Variants in ZNF512B observed in about 807,000 individuals in gnomAD.
The protein encoded by ZNF512B is zinc finger protein 512B.
A neutral mutation model predicts 87.8 loss-of-function variants in ZNF512B; 22 were observed. That is an observed-to-expected ratio of 0.25 (90% CI 0.18 to 0.36). The LOEUF is 0.36. ZNF512B is among the 10% of genes least tolerant of loss of function. ZNF512B has a pLI of 1.00. For synonymous variants in ZNF512B, 524 were observed against 490.9 expected (o/e 1.07, Z -0.89); for missense variants, 1,060 against 1,231.6 (o/e 0.86, Z 2.09).
Position 63,963,450 on chromosome 20 carries a change from G to A in ZNF512B, c.1699-10C>T, listed in dbSNP as rs573732652. The A allele has an allele frequency of 1.5e-5, 23 of 1,547,268 alleles. No individual in the cohort carries two copies. In the Admixed American group the frequency reaches 1.7e-4, roughly 12 times the overall value. ...CCTCGGCGTCAGAGGGCTGGGGACA[G>A]GGTGAGCATCGGTGACCCGGCACCA... On this transcript the variant is annotated splice_polypyrimidine_tract_variant and intron_variant, in intron 10 of 16. Transcript: ENST00000369888.
chr20:63,960,552 A>AGG (rs1485548793), intron 16 of ZNF512B, among the ~76,000 whole-genome samples: 4 of 103,720 alleles, frequency 3.9e-5, no homozygotes, highest in Non-Finnish European at 5.9e-5. Context: ...CACCTGCCGC[A>AGG]GGGCTGGACA....
At chr20:63,969,379 G>C (rs2058957853) in intron 1 of ZNF512B, among the ~76,000 whole-genome samples, 1 of 152,246 alleles carries the variant, frequency 6.6e-6, no homozygotes, top group African/African-American at 2.4e-5. Context: ...CGGGGAGAGG[G>C]GGCTCCGCCG....
chr20:63,964,938 G>C (rs577433956), intron 5 of ZNF512B, among the ~76,000 whole-genome samples: 1 of 46,424 alleles, frequency 2.2e-5, no homozygotes, highest in Non-Finnish European at 4.3e-5. Context: ...GACCTGGGAC[G>C]AGCCCCCATA....
At chr20:63,962,095 C>G (rs1373362020) in intron 14 of ZNF512B, 91 bp from the exon 15 acceptor site, 8 of 1,457,236 alleles carry the variant, frequency 5.5e-6, no homozygotes, top group Non-Finnish European at 7.5e-6. Flanking sequence ...CTCTGAGGCT[C>G]TTTGGGGCAA....
chr20:63,961,944 T>C lies in ZNF512B; in HGVS notation c.2326A>G (p.Lys776Glu). The C allele has an allele frequency of 6.4e-7, 1 of 1,551,020 alleles. No homozygotes were observed. Among genetic ancestry groups the C allele is most frequent in the Non-Finnish European group, 8.7e-7 (1 of 1,146,898 alleles). ...GLKAHLASCS[K>E]GAHLAGKYRC... ...GTGGGGCAGGCCCCAGAACTGACCT[T>C]ACTGCAGCTGGCGAGATGAGCCTTG... Residue 776 changes from lysine (K) to glutamate (E), a missense_variant and splice_region_variant, in exon 15 of 17, where the codon AAG (lysine) becomes GAG (glutamate). Lys to Glu is a moderately conservative substitution (Grantham distance 56, BLOSUM62 1). Transcript: ENST00000369888. This position sits in a 1 kb window ranked among gnomAD's most constrained non-coding sequence, Gnocchi z 6.4.
Position 63,967,488 on chromosome 20 carries a change from C to G in ZNF512B, c.157G>C (p.Gly53Arg). 6.2e-7 allele frequency: 1 copy of G among 1,610,794 alleles called. No individual in the cohort carries two copies. The highest frequency in any genetic ancestry group is 1.7e-5 in the Admixed American group (1 of 59,822). ...PVVRGGQTVP[G>R]QAPLCFDPGS... Reference sequence around the variant, plus strand: ...GGGTCAAAGCAGAGAGGGGCCTGGCCGGGCACTGTCTGTCCACCACGGACC... The same window carrying G: ...GGGTCAAAGCAGAGAGGGGCCTGGCGGGGCACTGTCTGTCCACCACGGACC... The change falls in exon 3 of 17, where the codon GGC (glycine) becomes CGC (arginine). Residue 53 changes from glycine to arginine, a missense_variant. Physicochemically the swap from Gly to Arg is moderately radical, Grantham distance 125. Transcript: ENST00000369888.
chr20:63,963,559 T>G, intron 10 of ZNF512B, 59 bp downstream of exon 10: 2 of 1,602,816 alleles, frequency 1.2e-6, no homozygotes, highest in South Asian at 2.2e-5. Context: ...GGCACTGCGG[T>G]GAAGGTGGGG....
chr20:63,962,212 C>T, intron 14 of ZNF512B, 61 bp downstream of exon 14: 2 of 1,514,982 alleles, frequency 1.3e-6, no homozygotes, highest in Non-Finnish European at 1.8e-6. Context: ...CTCAGAGGGC[C>T]ACACCCAGGC....
At chr20:63,962,973 A>G in intron 12 of ZNF512B, 122 bp downstream of exon 12, 2 of 1,341,816 alleles carry the variant, frequency 1.5e-6, no homozygotes, top group Non-Finnish European at 2.0e-6. Context: ...TCTCTTACAG[A>G]GAGGGGTGGG....
chr20:63,968,300 G>A (rs983612578), intron 1 of ZNF512B, among the ~76,000 whole-genome samples: 3 of 152,244 alleles, frequency 2.0e-5, no homozygotes, highest in South Asian at 2.1e-4. Context: ...AGATGATGCC[G>A]AAGGTGATGC....
At position 63,961,927 on chromosome 20, in the gene ZNF512B, G is replaced by C. The variant is rs545692050; in HGVS notation, c.2328+15C>G. The C allele has an allele frequency of 3.2e-6, 5 of 1,550,614 alleles. No individual in the cohort carries two copies. Among genetic ancestry groups the C allele is most frequent in the Non-Finnish European group, 3.5e-6 (4 of 1,146,582 alleles). On this transcript the variant is annotated intron_variant, in intron 15 of 16. Transcript: ENST00000369888. The surrounding 1 kb of genome is among the most constrained non-coding windows in gnomAD (Gnocchi z 6.4). The stretch of plus-strand genomic sequence containing the variant: ...GTGCAGCGCACCTGGCCGTGGGGCA[G>C]GCCCCAGAACTGACCTTACTGCAGC...
chr20:63,964,262 G>A (rs1473570204), intron 7 of ZNF512B, 45 bp from the exon 8 acceptor site: 4 of 1,612,478 alleles, frequency 2.5e-6, no homozygotes, highest in African/African-American at 2.7e-5. Flanking sequence ...TGGGCTCAGG[G>A]GCTGTCACTC....
intron 1 of ZNF512B, 112 bp from the exon 2 acceptor site, chr20:63,968,064 G>A (rs1217185449): frequency 4.4e-6 from 6 of 1,350,516 alleles, no homozygotes; most frequent in Non-Finnish European, 6.0e-6. Context: ...GGGAAGAGGG[G>A]CCTGCCTTCC....
intron 13 of ZNF512B, 65 bp downstream of exon 13, chr20:63,962,522 C>T (rs2058864493): frequency 1.3e-6 from 2 of 1,559,398 alleles, no homozygotes; most frequent in Admixed American, 3.8e-5. Flanking sequence ...TCCCAAGTCT[C>T]AGGCCAAGGC....
In ZNF512B at chr20:63,967,567, G is replaced by A. The variant is rs780067105; in HGVS notation, c.122-44C>T. ...CAAGGCTCGGAAGCTGTGTAGCACC[G>A]CCTACCACCGGCGGCTGCACAGGCC... On this transcript the variant is annotated intron_variant, in intron 2 of 16. Coordinates refer to ENST00000369888, the MANE Select transcript of ZNF512B (RefSeq NM_020713.3). 82 of 1,541,874 alleles carry A rather than the reference G, an allele frequency of 5.3e-5. 1 individual carries two copies. The highest frequency in any genetic ancestry group is 6.9e-5 in the African/African-American group (5 of 72,990).
rs755062585 is a variant in ZNF512B at position 63,964,061 on chromosome 20, C to T, written c.1480+10G>A. On this transcript the variant is annotated intron_variant, in intron 8 of 16. Coordinates refer to ENST00000369888, the MANE Select transcript of ZNF512B (RefSeq NM_020713.3). Reference sequence around the variant, plus strand: ...AGAGCTGCCCTGAGCCCCTGCCAGGCAGCCCCTACCTGGAGCTGGGTGGGC... The same window carrying T: ...AGAGCTGCCCTGAGCCCCTGCCAGGTAGCCCCTACCTGGAGCTGGGTGGGC... The T allele has an allele frequency of 2.5e-6, 4 of 1,605,040 alleles. No individual in the cohort carries two copies. Among genetic ancestry groups the T allele is most frequent in the Admixed American group, 3.4e-5 (2 of 59,700 alleles).
chr20:63,967,693 C>G (rs952058861), intron 2 of ZNF512B, 137 bp downstream of exon 2: 4 of 1,488,268 alleles, frequency 2.7e-6, no homozygotes, highest in East Asian at 2.3e-5. Context: ...CAAGGCAACC[C>G]CTACCCTGGT....
rs1373176478 is a variant in ZNF512B at position 63,957,885 on chromosome 20, T to G, written c.*2003A>C. On this transcript the variant is annotated 3_prime_UTR_variant, in exon 17 of 17. Transcript: ENST00000369888. ...CAGCAGCAGCTGCCAGACCCCACCC[T>G]CCACCTCCGGCTCCTCCAGCTCCAC... 8.5e-5 allele frequency: 7 copies of G among 82,788 alleles called. No homozygotes were observed. The Admixed American group carries it at 9.8e-4, about 12-fold the overall frequency. 5.1% of individuals were successfully genotyped at this position (82,788 alleles called of 1,614,324 possible). A position where few individuals can be genotyped will look rare whatever the true frequency, so the allele number is the denominator to read the frequency against.
intron 8 of ZNF512B, 27 bp from the exon 9 acceptor site, chr20:63,963,940 G>C: frequency 6.2e-7 from 1 of 1,604,890 alleles, no homozygotes; most frequent in African/African-American, 1.3e-5. Context: ...GGCCTCGAAG[G>C]CTTGTGGGGG....
Sources: gnomAD v4.1 joint callset for allele counts (sites outside exome capture counted in the v4.1 genomes callset) on GRCh38, gnomAD v4.1.1 for gene constraint, Gnocchi (gnomAD v3.1) non-coding constraint, MANE v1.5 for transcripts, NCBI Gene and HGNC (gene_info 2026-07-23, HGNC 2026-07-21) for gene names.